Variants in FARS2 observed in about 807,000 individuals in gnomAD.
FARS2 encodes phenylalanine--tRNA ligase, mitochondrial.
A neutral mutation model predicts 46.4 loss-of-function variants in FARS2; 40 were observed. The observed-to-expected ratio is 0.86, with a 90% CI of 0.67 to 1.12. FARS2 has a LOEUF of 1.12. Among genes scored for constraint, FARS2 ranks in the 50% most tolerant of loss-of-function variants. The probability of loss-of-function intolerance (pLI) is 0.00; values close to 1 mark genes in which losing one functional copy is unlikely to be tolerated. For missense variants in FARS2, 513 were observed against 567.9 expected (o/e 0.90, Z 0.98); for synonymous variants, 234 against 214.9 (o/e 1.09, Z -0.78).
intron 1 of FARS2, among the ~76,000 whole-genome samples, chr6:5,277,643 T>C (rs2127844749): frequency 6.6e-6 from 1 of 152,348 alleles, no homozygotes; most frequent in African/African-American, 2.4e-5. Context: ...AACTAAAATC[T>C]GTTTCTGTGT....
chr6:5,467,942 G>C (rs1282045113), intron 4 of FARS2, among the ~76,000 whole-genome samples: 1 of 152,130 alleles, frequency 6.6e-6, no homozygotes, highest in Non-Finnish European at 1.5e-5. Flanking sequence ...GCTAACTTCA[G>C]AATGTCATTA....
chr6:5,412,607 A>T (rs1562021773), intron 3 of FARS2, among the ~76,000 whole-genome samples: 1 of 152,136 alleles, frequency 6.6e-6, no homozygotes. Context: ...ACCTTTTCAT[A>T]TTTTTTTATC....
intron 5 of FARS2, among the ~76,000 whole-genome samples, chr6:5,579,271 GT>G (rs1374513888): frequency 6.6e-6 from 1 of 151,640 alleles, no homozygotes; most frequent in East Asian, 1.9e-4. Flanking sequence ...GAAGTTTTTT[GT>G]TTTTTTTAGA....
rs148138699 is a variant in FARS2, at chr6:5,508,296, C to T, written c.905-36884C>T. 7.0e-3 allele frequency among the ~76,000 whole-genome samples: 1,073 copies of T among 152,304 alleles called. 14 individuals carry two copies. The highest frequency in any genetic ancestry group is 0.025 in the African/African-American group (1,021 of 41,554). On this transcript the variant is annotated intron_variant, in intron 4 of 6. Transcript: ENST00000274680. The stretch of plus-strand genomic sequence containing the variant: ...AGTATAGTTTTGGATGCCACATCTC[C>T]GAGGGGATCATCCCCCACGTGGATT...
chr6:5,461,931 A>G (rs1765264725), intron 4 of FARS2, among the ~76,000 whole-genome samples: 1 of 152,236 alleles, frequency 6.6e-6, no homozygotes, highest in African/African-American at 2.4e-5. Flanking sequence ...TCTTTGGGGT[A>G]GGCACCCAGG....
upstream of FARS2, chr6:5,260,509 G>C: frequency 8.5e-7 from 1 of 1,180,732 alleles, no homozygotes; most frequent in Non-Finnish European, 1.2e-6. Context: ...GCTTTTCGAT[G>C]GCGGAGCCCG....
At chr6:5,392,405 A>G (rs1267158688) in intron 2 of FARS2, among the ~76,000 whole-genome samples, 3 of 152,190 alleles carry the variant, frequency 2.0e-5, no homozygotes, top group Non-Finnish European at 2.9e-5. Flanking sequence ...GGTCATACCC[A>G]TATAGTGCAT....
At chr6:5,674,195 A>T (rs1251484236) in intron 6 of FARS2, among the ~76,000 whole-genome samples, 2 of 138,938 alleles carry the variant, frequency 1.4e-5, no homozygotes, top group Middle Eastern at 3.6e-3. Flanking sequence ...ATTCTCATTA[A>T]AAAAAAAAAA....
At chr6:5,329,460 A>C (rs1395867575) in intron 1 of FARS2, among the ~76,000 whole-genome samples, 1 of 144,678 alleles carries the variant, frequency 6.9e-6, no homozygotes, top group African/African-American at 2.5e-5. Flanking sequence ...CAAATGTATG[A>C]GTTTTTAAAT....
chr6:5,729,147 C>T (rs951284904), intron 6 of FARS2, among the ~76,000 whole-genome samples: 9 of 152,190 alleles, frequency 5.9e-5, no homozygotes, highest in Non-Finnish European at 2.9e-5. Flanking sequence ...GGCATTTAGT[C>T]CCAGGTGGAA....
chr6:5,286,259 A>G (rs1360785269), intron 1 of FARS2, among the ~76,000 whole-genome samples: 1 of 152,014 alleles, frequency 6.6e-6, no homozygotes, highest in African/African-American at 2.4e-5. Context: ...TCATAAGGGC[A>G]CTAAGTTTTT....
intron 3 of FARS2, among the ~76,000 whole-genome samples, chr6:5,414,811 G>GTTTTT (rs35210878): frequency 4.5e-4 from 39 of 86,670 alleles, no homozygotes; most frequent in East Asian, 1.6e-3. Flanking sequence ...GTATATGACT[G>GTTTTT]TTTTTTTTTT....
chr6:5,476,359 T>C (rs1419062951), intron 4 of FARS2, among the ~76,000 whole-genome samples: 1 of 152,238 alleles, frequency 6.6e-6, no homozygotes, highest in Admixed American at 6.5e-5. Context: ...ATTTTCTTCA[T>C]GGCATTTGTC....
intron 5 of FARS2, among the ~76,000 whole-genome samples, chr6:5,575,479 A>G (rs762219478): frequency 2.6e-5 from 4 of 152,208 alleles, no homozygotes; most frequent in Non-Finnish European, 4.4e-5. Context: ...CTCTTCTCCT[A>G]AATGCATCAT....
chr6:5,642,228 G>T (rs73718337), intron 6 of FARS2, among the ~76,000 whole-genome samples: 1 of 152,064 alleles, frequency 6.6e-6, no homozygotes, highest in Non-Finnish European at 1.5e-5. Context: ...TATTTTAGAC[G>T]CATGTAGCTT....
chr6:5,546,024 A>T (rs1030345314), intron 5 of FARS2, among the ~76,000 whole-genome samples: 5 of 152,048 alleles, frequency 3.3e-5, no homozygotes, highest in Non-Finnish European at 7.4e-5. Context: ...GCTACTTGGG[A>T]GACTGAGGCA....
At chr6:5,660,646 C>G (rs1250820416) in intron 6 of FARS2, among the ~76,000 whole-genome samples, 1 of 127,636 alleles carries the variant, frequency 7.8e-6, no homozygotes, top group Non-Finnish European at 1.7e-5. Context: ...GAGACCCTGT[C>G]TCAGAAAAAA....
chr6:5,661,804 TTGGAAAG>T (rs1440427066), intron 6 of FARS2, among the ~76,000 whole-genome samples: 2,005 of 150,194 alleles, frequency 0.013, 50 homozygotes, highest in African/African-American at 0.046. Context: ...AAGGCCATGC[TTGGAAAG>T]GTTGTGTGCA....
intron 5 of FARS2, among the ~76,000 whole-genome samples, chr6:5,547,341 T>A (rs1161483668): frequency 6.6e-6 from 1 of 152,126 alleles, no homozygotes; most frequent in Non-Finnish European, 1.5e-5. Flanking sequence ...CCCTTCCTAA[T>A]CATGGCTTAC....
Sources: allele counts gnomAD v4.1 joint callset (sites outside exome capture counted in the v4.1 genomes callset), GRCh38; gene constraint gnomAD v4.1.1; transcripts MANE v1.5; gene names NCBI Gene and HGNC (gene_info 2026-07-23, HGNC 2026-07-21).